GPHN: variants seen among roughly 807,000 people sequenced by gnomAD.
GPHN encodes gephyrin.
GPHN carries 17 observed loss-of-function variants against 95.5 expected under a neutral mutation model. The observed-to-expected ratio is 0.18, with a 90% CI of 0.12 to 0.27. The LOEUF is 0.27. Among genes scored for constraint, GPHN ranks in the 10% least tolerant of loss-of-function variants. The pLI is 1.00. For synonymous variants in GPHN, 320 were observed against 322.5 expected (o/e 0.99, Z 0.08); for missense variants, 660 against 978.1 (o/e 0.67, Z 4.34).
intron 12 of GPHN, among the ~76,000 whole-genome samples, chr14:67,096,940 G>GA (rs1231375364): frequency 4.6e-5 from 7 of 151,996 alleles, no homozygotes; most frequent in Non-Finnish European, 1.0e-4. Flanking sequence ...AATATATATG[G>GA]ATCAGCAAAA....
the GPHN span, among the ~76,000 whole-genome samples, chr14:67,276,786 T>C: frequency 3.3e-5 from 5 of 152,188 alleles, no homozygotes; most frequent in Admixed American, 2.6e-4. Context: ...ACAAGTATGA[T>C]AGTAAATAGT....
intron 1 of GPHN, among the ~76,000 whole-genome samples, chr14:66,663,143 A>C (rs1443211908): frequency 6.6e-6 from 1 of 152,198 alleles, no homozygotes; most frequent in African/African-American, 2.4e-5. Flanking sequence ...AAAATATTCC[A>C]CAAGAAGATC....
the GPHN span, chr14:67,557,321 C>G: frequency 1.2e-6 from 2 of 1,613,706 alleles, no homozygotes; most frequent in Non-Finnish European, 1.7e-6. Context: ...AATGTGGACT[C>G]TGAGGGGAGC....
chr14:66,834,567 G>A (rs2061715425), intron 4 of GPHN, among the ~76,000 whole-genome samples: 1 of 151,274 alleles, frequency 6.6e-6, no homozygotes. Flanking sequence ...TTATTGATTT[G>A]CGTATATTGA....
intron 18 of GPHN, 96 bp downstream of exon 18, chr14:67,143,545 A>T: frequency 1.2e-6 from 1 of 821,008 alleles, no homozygotes; most frequent in South Asian, 1.3e-5. Context: ...ATTCATAACG[A>T]GGCTCCCACA....
the GPHN span, chr14:67,727,092 A>G: frequency 1.2e-6 from 2 of 1,613,886 alleles, no homozygotes; most frequent in African/African-American, 2.7e-5. Flanking sequence ...CCCTTCCACG[A>G]CCTCCAGAGC....
chr14:67,279,085 C>A, the GPHN span: 133 of 1,143,682 alleles, frequency 1.2e-4, no homozygotes, highest in Middle Eastern at 2.2e-4. Flanking sequence ...TTTGAAGTAA[C>A]ATGGATTTTA....
chr14:67,518,955 A>T, the GPHN span, among the ~76,000 whole-genome samples: 1 of 152,248 alleles, frequency 6.6e-6, no homozygotes, highest in Non-Finnish European at 1.5e-5. Context: ...GAAAGCAAGA[A>T]GTGAGGTAGA....
chr14:66,564,174 G>A (rs1378407421), intron 1 of GPHN, among the ~76,000 whole-genome samples: 2 of 152,088 alleles, frequency 1.3e-5, no homozygotes, highest in African/African-American at 4.8e-5. Context: ...ATCTACCCTG[G>A]TGGTTCTTAG....
intron 10 of GPHN, among the ~76,000 whole-genome samples, chr14:67,043,590 G>T (rs887458393): frequency 1.3e-5 from 2 of 152,106 alleles, no homozygotes; most frequent in African/African-American, 4.8e-5. Context: ...ACTTGATCAT[G>T]GTGGATAAGA....
chr14:66,557,870 A>G (rs1052353305), intron 1 of GPHN, among the ~76,000 whole-genome samples: 4 of 152,182 alleles, frequency 2.6e-5, no homozygotes, highest in Admixed American at 6.5e-5. Context: ...AATACAATCT[A>G]GTAGTTGTAG....
chr14:67,351,471 C>T, the GPHN span, among the ~76,000 whole-genome samples: 1 of 152,136 alleles, frequency 6.6e-6, no homozygotes, highest in Non-Finnish European at 1.5e-5. Flanking sequence ...AAGAAAAAGA[C>T]CAACAGATTT....
At chr14:66,565,644 T>A (rs2060431994) in intron 1 of GPHN, among the ~76,000 whole-genome samples, 1 of 152,172 alleles carries the variant, frequency 6.6e-6, no homozygotes, top group African/African-American at 2.4e-5. Context: ...CATGTGGTTG[T>A]TAGGACTAAA....
the GPHN span, chr14:67,575,977 ACCT>A: frequency 2.5e-6 from 4 of 1,612,284 alleles, no homozygotes; most frequent in African/African-American, 5.3e-5. Context: ...AGCCCCACCT[ACCT>A]CCTCATTGGC....
intron 12 of GPHN, among the ~76,000 whole-genome samples, chr14:67,092,335 T>C (rs1305691526): frequency 6.6e-6 from 1 of 152,124 alleles, no homozygotes; most frequent in Non-Finnish European, 1.5e-5. Flanking sequence ...TTATTGTGGC[T>C]AAGACCCTCC....
At chr14:66,860,018 TAAAG>T (rs2062961982) in intron 4 of GPHN, among the ~76,000 whole-genome samples, 1 of 152,030 alleles carries the variant, frequency 6.6e-6, no homozygotes, top group Non-Finnish European at 1.5e-5. Context: ...TTATTGGCCT[TAAAG>T]AGGAGGTAAA....
chr14:66,657,488 A>C (rs1028913926), intron 1 of GPHN, among the ~76,000 whole-genome samples: 46 of 152,196 alleles, frequency 3.0e-4, no homozygotes, highest in African/African-American at 1.0e-3. Context: ...GCCATCTAAG[A>C]CTTTCATAGC....
chr14:67,469,525 A>T, the GPHN span, among the ~76,000 whole-genome samples: 1 of 141,830 alleles, frequency 7.1e-6, no homozygotes, highest in Non-Finnish European at 1.5e-5. Flanking sequence ...GGCTCAAGTA[A>T]TCCTCCTGCT....
intron 1 of GPHN, among the ~76,000 whole-genome samples, chr14:66,599,735 A>C (rs1865944728): frequency 6.6e-6 from 1 of 151,934 alleles, no homozygotes; most frequent in Admixed American, 6.6e-5. Context: ...GATAGTGGAC[A>C]TCCTTGTCTT....
Sources: allele counts gnomAD v4.1 joint callset (sites outside exome capture counted in the v4.1 genomes callset), GRCh38; gene constraint gnomAD v4.1.1; transcripts MANE v1.5; gene names NCBI Gene and HGNC (gene_info 2026-07-23, HGNC 2026-07-21).